The following RBMS3 variants were observed in gnomAD, a reference collection of about 807,000 sequenced individuals.
The protein encoded by RBMS3 is RNA-binding motif, single-stranded-interacting protein 3.
RBMS3 carries 27 observed loss-of-function variants against 66.8 expected under a neutral mutation model. The ratio of observed to expected loss-of-function variants is 0.40; its 90% CI spans 0.30 to 0.56. The LOEUF (loss-of-function observed/expected upper bound fraction) is 0.56. Ranked by LOEUF, RBMS3 falls within the 20% of genes least tolerant of loss-of-function variation. The pLI, the probability that RBMS3 is intolerant of heterozygous loss-of-function variation, is 0.40. For synonymous variants in RBMS3, 188 were observed against 183.0 expected (o/e 1.03, Z -0.22); for missense variants, 513 against 549.5 (o/e 0.93, Z 0.66).
intron 1 of RBMS3, among the ~76,000 whole-genome samples, chr3:29,430,480 T>A (rs2041141240): frequency 6.6e-6 from 1 of 152,242 alleles, no homozygotes; most frequent in South Asian, 2.1e-4. Context: ...CTGATCCTCA[T>A]CCCAACTTCG....
intron 14 of RBMS3, among the ~76,000 whole-genome samples, chr3:29,999,781 A>G (rs1303452794): frequency 2.0e-5 from 3 of 152,044 alleles, no homozygotes; most frequent in African/African-American, 4.8e-5. Flanking sequence ...GTGGGGAGGG[A>G]TAACATTAGG....
intron 3 of RBMS3, among the ~76,000 whole-genome samples, chr3:29,490,291 A>G (rs1472523809): frequency 6.6e-6 from 1 of 151,698 alleles, no homozygotes; most frequent in Non-Finnish European, 1.5e-5. Context: ...ACAAAAAAAA[A>G]TGTAGGCTTT....
At chr3:29,977,367 G>C (rs1697660718) in intron 12 of RBMS3, among the ~76,000 whole-genome samples, 1 of 152,044 alleles carries the variant, frequency 6.6e-6, no homozygotes, top group Non-Finnish European at 1.5e-5. Flanking sequence ...TGTTTGTTTT[G>C]TTTTGCTTTA....
At chr3:29,620,537 G>A (rs1319219409) in intron 4 of RBMS3, among the ~76,000 whole-genome samples, 1 of 151,948 alleles carries the variant, frequency 6.6e-6, no homozygotes, top group Non-Finnish European at 1.5e-5. Flanking sequence ...AATTGAGGTG[G>A]TCCACTTACT....
intron 3 of RBMS3, among the ~76,000 whole-genome samples, chr3:29,509,529 G>C (rs926299210): frequency 1.3e-5 from 2 of 152,120 alleles, no homozygotes; most frequent in South Asian, 4.1e-4. Flanking sequence ...TATAAATTCA[G>C]GTCTGCTTTG....
At chr3:29,554,641 T>A (rs976687295) in intron 3 of RBMS3, among the ~76,000 whole-genome samples, 1 of 152,126 alleles carries the variant, frequency 6.6e-6, no homozygotes, top group Non-Finnish European at 1.5e-5. Flanking sequence ...AAGCTAGGCT[T>A]TTCAGGATGT....
intron 4 of RBMS3, among the ~76,000 whole-genome samples, chr3:29,618,630 A>G (rs2048754840): frequency 6.6e-6 from 1 of 152,110 alleles, no homozygotes; most frequent in Non-Finnish European, 1.5e-5. Flanking sequence ...CCTGCCTTGA[A>G]GTTCTTGTTC....
At chr3:29,725,311 T>A (rs2053816008) in intron 4 of RBMS3, among the ~76,000 whole-genome samples, 1 of 152,030 alleles carries the variant, frequency 6.6e-6, no homozygotes, top group African/African-American at 2.4e-5. Context: ...ACGAGTTTTT[T>A]AAAAATTGCA....
intron 1 of RBMS3, among the ~76,000 whole-genome samples, chr3:29,375,133 G>C (rs2038401698): frequency 6.6e-6 from 1 of 152,096 alleles, no homozygotes; most frequent in South Asian, 2.1e-4. Context: ...TTTAATAAAG[G>C]GTTGGGAAAA....
chr3:29,803,470 T>A (rs9872947), intron 6 of RBMS3, among the ~76,000 whole-genome samples: 25,137 of 151,974 alleles, frequency 0.17, 3,836 homozygotes, highest in African/African-American at 0.41. Context: ...AGAGGAGATG[T>A]GTGGACAAAG....
intron 4 of RBMS3, among the ~76,000 whole-genome samples, chr3:29,738,136 G>A (rs747474906): frequency 2.6e-5 from 4 of 151,972 alleles, no homozygotes; most frequent in Admixed American, 1.3e-4. Flanking sequence ...CAGAAATTTA[G>A]TTGCATACAA....
chr3:29,664,145 T>A (rs1398538084), intron 4 of RBMS3, among the ~76,000 whole-genome samples: 1 of 152,094 alleles, frequency 6.6e-6, no homozygotes, highest in Non-Finnish European at 1.5e-5. Flanking sequence ...TCCAGAAATC[T>A]GAGATTCTGG....
intron 3 of RBMS3, among the ~76,000 whole-genome samples, chr3:29,563,749 G>A (rs2046637042): frequency 6.6e-6 from 1 of 152,062 alleles, no homozygotes; most frequent in Non-Finnish European, 1.5e-5. Context: ...TGTTGACTGG[G>A]CGTGGTGACT....
intron 2 of RBMS3, among the ~76,000 whole-genome samples, chr3:29,471,849 A>AT (rs2125799613): frequency 6.6e-6 from 1 of 150,580 alleles, no homozygotes; most frequent in African/African-American, 2.4e-5. Context: ...TTCTGTTTGC[A>AT]TATTTTTTCT....
intron 1 of RBMS3, among the ~76,000 whole-genome samples, chr3:29,356,068 A>G (rs1472090346): frequency 1.3e-5 from 2 of 152,176 alleles, no homozygotes; most frequent in African/African-American, 4.8e-5. Flanking sequence ...GATTGTAACC[A>G]TCTTTGTTTT....
At chr3:29,640,304 C>T (rs577538491) in intron 4 of RBMS3, among the ~76,000 whole-genome samples, 6 of 149,838 alleles carry the variant, frequency 4.0e-5, no homozygotes, top group African/African-American at 1.5e-4. Context: ...ACACGAAAGA[C>T]GGAAAGAAAA....
intron 1 of RBMS3, among the ~76,000 whole-genome samples, chr3:29,422,722 T>A (rs1450524577): frequency 6.6e-6 from 1 of 152,164 alleles, no homozygotes; most frequent in Non-Finnish European, 1.5e-5. Context: ...CCAAACATAA[T>A]AAATTTTGAA....
chr3:29,809,488 T>A (rs1229726889), intron 6 of RBMS3, among the ~76,000 whole-genome samples: 1 of 151,972 alleles, frequency 6.6e-6, no homozygotes. Context: ...AGACAATAAA[T>A]CACTGATATA....
intron 6 of RBMS3, among the ~76,000 whole-genome samples, chr3:29,791,092 A>AG: frequency 6.6e-6 from 1 of 152,324 alleles, no homozygotes; most frequent in South Asian, 2.1e-4. Flanking sequence ...GAAGTCTTGT[A>AG]ACACATCTTG....
Sources: allele counts gnomAD v4.1 joint callset (sites outside exome capture counted in the v4.1 genomes callset), GRCh38; gene constraint gnomAD v4.1.1; transcripts MANE v1.5; gene names NCBI Gene and HGNC (gene_info 2026-07-23, HGNC 2026-07-21).